Variants in CADM2 observed in about 807,000 individuals in gnomAD.
CADM2 encodes the protein cell adhesion molecule 2, also known as immunoglobulin superfamily member 4D.
Under a neutral mutation model 49.8 loss-of-function variants are expected in CADM2, and 12 were observed. That is an observed-to-expected ratio of 0.24 (90% CI 0.15 to 0.39). CADM2 has a LOEUF of 0.39. Ranked by LOEUF, CADM2 falls within the 10% of genes least tolerant of loss-of-function variation. The pLI is 1.00. For synonymous variants in CADM2, 214 were observed against 175.4 expected (o/e 1.22, Z -1.74); for missense variants, 378 against 492.3 (o/e 0.77, Z 2.20).
chr3:85,191,173 C>G (rs975765635), intron 1 of CADM2, among the ~76,000 whole-genome samples: 2 of 151,894 alleles, frequency 1.3e-5, no homozygotes, highest in Non-Finnish European at 2.9e-5. Context: ...TTACATCCTC[C>G]TAACTATTCC....
intron 1 of CADM2, among the ~76,000 whole-genome samples, chr3:85,493,347 T>A (rs2039755349): frequency 6.6e-6 from 1 of 152,182 alleles, no homozygotes. Flanking sequence ...CTGACATAAC[T>A]GTTAGCTGTA....
chr3:85,046,320 C>CTTT (rs924286569), intron 1 of CADM2, among the ~76,000 whole-genome samples: 2 of 122,838 alleles, frequency 1.6e-5, no homozygotes, highest in African/African-American at 5.9e-5. Flanking sequence ...TTACAATTTT[C>CTTT]TTTTTTTTTT....
At chr3:85,716,063 T>C (rs1196953550) in intron 1 of CADM2, among the ~76,000 whole-genome samples, 1 of 152,196 alleles carries the variant, frequency 6.6e-6, no homozygotes, top group Non-Finnish European at 1.5e-5. Context: ...TAGTTCTAGA[T>C]CCTTGAGGAA....
chr3:85,173,495 TATA>T (rs2107689127), intron 1 of CADM2, among the ~76,000 whole-genome samples: 1 of 152,300 alleles, frequency 6.6e-6, no homozygotes, highest in South Asian at 2.1e-4. Context: ...CTTGACTAAA[TATA>T]ATGTCTCTAA....
intron 1 of CADM2, among the ~76,000 whole-genome samples, chr3:85,144,041 A>T (rs2039655550): frequency 6.6e-6 from 1 of 152,090 alleles, no homozygotes; most frequent in Admixed American, 6.6e-5. Context: ...TCCCTGAAGT[A>T]CTTTGCACTG....
intron 1 of CADM2, among the ~76,000 whole-genome samples, chr3:85,442,176 T>C (rs993406478): frequency 6.6e-6 from 1 of 152,052 alleles, no homozygotes; most frequent in African/African-American, 2.4e-5. Context: ...GTCATCTCAG[T>C]ATTATATTTT....
intron 1 of CADM2, among the ~76,000 whole-genome samples, chr3:85,413,158 A>AT (rs1405043561): frequency 1.4e-5 from 2 of 141,650 alleles, no homozygotes; most frequent in African/African-American, 2.7e-5. Flanking sequence ...AAAAAAAAAA[A>AT]AAAAATAATA....
At chr3:85,188,088 A>G (rs1472235306) in intron 1 of CADM2, among the ~76,000 whole-genome samples, 4 of 152,118 alleles carry the variant, frequency 2.6e-5, no homozygotes, top group African/African-American at 9.6e-5. Context: ...ATATTAACTT[A>G]TATGTTAAAT....
chr3:85,271,747 A>G (rs1007075139), intron 1 of CADM2, among the ~76,000 whole-genome samples: 1 of 151,128 alleles, frequency 6.6e-6, no homozygotes, highest in Admixed American at 6.6e-5. Context: ...AAATTGGCAT[A>G]GGGTTTTCAG....
At chr3:85,437,770 C>T (rs1485023375) in intron 1 of CADM2, among the ~76,000 whole-genome samples, 1 of 151,862 alleles carries the variant, frequency 6.6e-6, no homozygotes, top group Non-Finnish European at 1.5e-5. Flanking sequence ...GTTAGCCTCT[C>T]CATTTATTGT....
At chr3:85,959,322 C>T (rs900074578) in intron 7 of CADM2, among the ~76,000 whole-genome samples, 1 of 151,774 alleles carries the variant, frequency 6.6e-6, no homozygotes, top group African/African-American at 2.4e-5. Flanking sequence ...TCTCCAAACC[C>T]TGCCCTTTTA....
At chr3:85,321,698 C>G (rs1193282471) in intron 1 of CADM2, among the ~76,000 whole-genome samples, 1 of 152,074 alleles carries the variant, frequency 6.6e-6, no homozygotes, top group Non-Finnish European at 1.5e-5. Flanking sequence ...AACCATACTA[C>G]ATATGTGTCT....
At chr3:85,971,239 C>T (rs1726086084) in intron 8 of CADM2, among the ~76,000 whole-genome samples, 1 of 151,490 alleles carries the variant, frequency 6.6e-6, no homozygotes, top group South Asian at 2.1e-4. Context: ...TATGTCCTGA[C>T]GTCATGTGCA....
chr3:85,117,307 A>G (rs1481585961), intron 1 of CADM2, among the ~76,000 whole-genome samples: 2 of 152,268 alleles, frequency 1.3e-5, no homozygotes, highest in East Asian at 1.9e-4. Context: ...TTTTGAAAAT[A>G]GTAAAGGATG....
intron 1 of CADM2, among the ~76,000 whole-genome samples, chr3:85,278,623 T>C (rs1178034999): frequency 1.3e-5 from 2 of 151,226 alleles, no homozygotes; most frequent in Non-Finnish European, 3.0e-5. Context: ...ATAAACATAT[T>C]AAGTATTTTT....
chr3:84,980,358 C>T (rs1170669353), intron 1 of CADM2, among the ~76,000 whole-genome samples: 3 of 152,162 alleles, frequency 2.0e-5, no homozygotes. Flanking sequence ...ATGATCACCT[C>T]ACTTACCCTA....
At chr3:85,438,986 C>A (rs569081610) in intron 1 of CADM2, among the ~76,000 whole-genome samples, 1 of 151,982 alleles carries the variant, frequency 6.6e-6, no homozygotes, top group Admixed American at 6.6e-5. Flanking sequence ...CCATGCCTGG[C>A]CTCATCTTAT....
At chr3:85,501,669 T>A (rs966351095) in intron 1 of CADM2, among the ~76,000 whole-genome samples, 1 of 152,154 alleles carries the variant, frequency 6.6e-6, no homozygotes, top group Non-Finnish European at 1.5e-5. Flanking sequence ...TTACATATTC[T>A]TTTGTATTTA....
intron 2 of CADM2, among the ~76,000 whole-genome samples, chr3:85,756,852 G>A (rs2069147322): frequency 6.6e-6 from 1 of 152,044 alleles, no homozygotes; most frequent in Non-Finnish European, 1.5e-5. Context: ...TATTGATCGG[G>A]TTATTTCCCA....
Sources: gnomAD v4.1 joint callset for allele counts (sites outside exome capture counted in the v4.1 genomes callset) on GRCh38, gnomAD v4.1.1 for gene constraint, MANE v1.5 for transcripts, NCBI Gene and HGNC (gene_info 2026-07-23, HGNC 2026-07-21) for gene names.